The following UNC5A variants were observed in gnomAD, a reference collection of about 807,000 sequenced individuals.
UNC5A encodes the protein unc-5 netrin receptor A.
A neutral mutation model predicts 87.4 loss-of-function variants in UNC5A; 20 were observed. The ratio of observed to expected loss-of-function variants is 0.23; its 90% CI spans 0.16 to 0.33. The LOEUF (loss-of-function observed/expected upper bound fraction) is 0.33, where lower values mean the gene tolerates loss of function less well. Ranked by LOEUF, UNC5A falls within the 10% of genes least tolerant of loss-of-function variation. UNC5A has a pLI of 1.00. For missense variants in UNC5A, 844 were observed against 1,133.4 expected, an observed-to-expected ratio of 0.74 and a Z score of 3.67; for synonymous variants, 438 against 482.3, an observed-to-expected ratio of 0.91 and a Z score of 1.20.
Position 176,874,520 on chromosome 5 carries a change from T to C in UNC5A, c.1332T>C (p.Tyr444=). 6.3e-7 allele frequency: 1 copy of C among 1,596,284 alleles called. No individual in the cohort carries two copies. Among genetic ancestry groups the C allele is most frequent in the Non-Finnish European group, 8.6e-7 (1 of 1,168,462 alleles). The change falls in exon 8 of 15, where the codon TAT becomes TAC. Residue 444 remains tyrosine, a synonymous_variant. Coordinates refer to ENST00000329542, the MANE Select transcript of UNC5A (RefSeq NM_133369.3). This position sits in a 1 kb window ranked among gnomAD's most constrained non-coding sequence, Gnocchi z 7.6. ...CCCGAGGCACCAGCAACATGACCTA[T>C]GGGACCTTCAACTTCCTCGGGGGCC... is the stretch of plus-strand genomic sequence containing the variant. The part of the protein sequence containing the change: ...SLPRGTSNMT[Y]GTFNFLGGRL...
rs137863793 is a variant in UNC5A at position 176,857,868 on chromosome 5, G to A, written c.71-4756G>A. Among the ~76,000 whole-genome samples the A allele has an allele frequency of 8.9e-4, 135 of 152,324 alleles. 2 individuals are homozygous for A. The highest frequency in any genetic ancestry group is 1.5e-3 in the Non-Finnish European group (99 of 68,024). On this transcript the variant is annotated intron_variant, in intron 1 of 14. Coordinates refer to ENST00000329542, the MANE Select transcript of UNC5A (RefSeq NM_133369.3). ...CAAGCGGGCAGCCAGGCCAGGTCAC[G>A]TCCCTTGCCAGTGGGAAAGCTGTGA...
rs978094800 is a variant in UNC5A at position 176,874,220 on chromosome 5, G to A, written c.1076-44G>A. On this transcript the variant is annotated intron_variant, in intron 7 of 14. Coordinates refer to ENST00000329542, the MANE Select transcript of UNC5A (RefSeq NM_133369.3). The surrounding 1 kb of genome is among the most constrained non-coding windows in gnomAD (Gnocchi z 7.6). ...CCCACGCCAAGGGCTGCTGGGGCAG[G>A]GATGCCCTAGGTGCCATTGCCTGAG... The A allele has an allele frequency of 6.3e-7, 1 of 1,592,082 alleles. No individual in the cohort carries two copies. Among genetic ancestry groups the A allele is most frequent in the Admixed American group, 1.7e-5 (1 of 58,024 alleles).
intron 1 of UNC5A, among the ~76,000 whole-genome samples, chr5:176,831,885 CTTTTTTTTTTT>C (rs10580672): frequency 0.016 from 447 of 27,674 alleles, 5 homozygotes; most frequent in Admixed American, 0.021. Context: ...TTCTCTCTCT[CTTTTTTTTTTT>C]TTTTTTTTTT....
At position 176,865,383 on chromosome 5, in the gene UNC5A, C is replaced by A. The variant is rs1757949152; in HGVS notation, c.292+2538C>A. ...CCAGACCCTTGCCTGAATGAGCAGT[C>A]GCAGGCCCGGGCCGGCACACACACC... On this transcript the variant is annotated intron_variant, in intron 2 of 14. Transcript: ENST00000329542. This position sits in a 1 kb window ranked among gnomAD's most constrained non-coding sequence, Gnocchi z 5.3. 14 of 351,316 alleles carry A rather than the reference C, an allele frequency of 4.0e-5. No homozygotes were observed. The highest frequency in any genetic ancestry group is 3.0e-4 in the South Asian group (14 of 47,150). 21.8% of individuals were successfully genotyped at this position (351,316 alleles called of 1,614,324 possible).
intron 1 of UNC5A, among the ~76,000 whole-genome samples, chr5:176,855,950 A>G (rs1304342874): frequency 6.6e-6 from 1 of 152,066 alleles, no homozygotes; most frequent in Non-Finnish European, 1.5e-5. Context: ...GTGTTCCTCA[A>G]CCGCGCCGTG....
rs1199560924 is a variant in UNC5A at position 176,810,863 on chromosome 5, C to T, written c.70+43C>T. On this transcript the variant is annotated intron_variant, in intron 1 of 14. Coordinates refer to ENST00000329542, the MANE Select transcript of UNC5A (RefSeq NM_133369.3). The surrounding 1 kb of genome is among the most constrained non-coding windows in gnomAD (Gnocchi z 7.3). The stretch of plus-strand genomic sequence containing the variant: ...CGCTCTGGGGAGGCTTGCGGGGGAC[C>T]GTGCGCGCGAACGCTCGCTGCTCTG... 7 of 1,215,068 alleles carry T rather than the reference C, an allele frequency of 5.8e-6. No homozygotes were observed. The African/African-American group carries it at 9.4e-5, about 16-fold the overall frequency. The allele number at this position is 1,215,068 out of a possible 1,614,324, so 75.3% of individuals were successfully genotyped here.
chr5:176,870,664 G>A, intron 6 of UNC5A, 130 bp downstream of exon 6: 1 of 1,069,018 alleles, frequency 9.4e-7, no homozygotes, highest in Non-Finnish European at 1.3e-6. Flanking sequence ...AGGACCCACT[G>A]AGATCCCCCT....
At chr5:176,839,863 C>T in intron 1 of UNC5A, among the ~76,000 whole-genome samples, 1 of 134,896 alleles carries the variant, frequency 7.4e-6, no homozygotes, top group Non-Finnish European at 1.5e-5. Context: ...GTCGCCCAGG[C>T]TGGAATGCAG....
chr5:176,843,972 G>A (rs568333263), intron 1 of UNC5A, among the ~76,000 whole-genome samples: 1 of 152,390 alleles, frequency 6.6e-6, no homozygotes, highest in East Asian at 1.9e-4. Flanking sequence ...CAAGAAAGAT[G>A]CCACAAGAAA....
Position 176,838,900 on chromosome 5 carries a change from A to G in UNC5A, c.71-23724A>G, listed in dbSNP as rs73340083. Among the ~76,000 whole-genome samples the G allele has an allele frequency of 5.9e-3, 892 of 152,356 alleles. 7 individuals carry two copies. Among genetic ancestry groups the G allele is most frequent in the African/African-American group, 0.02 (834 of 41,580 alleles). Reference sequence around the variant, plus strand: ...TAAGCCAATCAGGGTCCATCCCTGAAGCTGGTAGGGGTCATTTCCACTCAA... The same window carrying G: ...TAAGCCAATCAGGGTCCATCCCTGAGGCTGGTAGGGGTCATTTCCACTCAA... On this transcript the variant is annotated intron_variant, in intron 1 of 14. Coordinates refer to ENST00000329542, the MANE Select transcript of UNC5A (RefSeq NM_133369.3). The surrounding 1 kb of genome is among the most constrained non-coding windows in gnomAD (Gnocchi z 4.2).
rs967870865 is a variant in UNC5A, at chr5:176,841,340, A to T, written c.71-21284A>T. On this transcript the variant is annotated intron_variant, in intron 1 of 14. Coordinates refer to ENST00000329542, the MANE Select transcript of UNC5A (RefSeq NM_133369.3). This position sits in a 1 kb window ranked among gnomAD's most constrained non-coding sequence, Gnocchi z 4.1. The stretch of plus-strand genomic sequence containing the variant: ...CTCAGACTCAGCTCCCAGCTTCCAG[A>T]TCAGAGCTGTGCCCACCACCCCAGA... Among the ~76,000 whole-genome samples the T allele has an allele frequency of 6.6e-6, 1 of 152,132 alleles. No individual in the cohort carries two copies. Among genetic ancestry groups the T allele is most frequent in the African/African-American group, 2.4e-5 (1 of 41,434 alleles).
At chr5:176,839,681 G>T (rs1757225789) in intron 1 of UNC5A, among the ~76,000 whole-genome samples, 2 of 152,222 alleles carry the variant, frequency 1.3e-5, no homozygotes, top group Admixed American at 1.3e-4. Flanking sequence ...CAGGGAGTGG[G>T]TGATCTGGCC....
chr5:176,858,362 G>T (rs1757716207), intron 1 of UNC5A, among the ~76,000 whole-genome samples: 2 of 152,218 alleles, frequency 1.3e-5, no homozygotes, highest in Non-Finnish European at 2.9e-5. Context: ...ACTGGACAAA[G>T]AGGAAGGAAG....
chr5:176,851,156 C>T (rs912987422), intron 1 of UNC5A, among the ~76,000 whole-genome samples: 1 of 152,262 alleles, frequency 6.6e-6, no homozygotes, highest in Non-Finnish European at 1.5e-5. Flanking sequence ...GAACCCATCG[C>T]TCTCGACTTA....
rs1758218945 is a variant in UNC5A at position 176,874,696 on chromosome 5, G to A, written c.1378+130G>A. 4.5e-6 allele frequency: 5 copies of A among 1,113,716 alleles called. No individual in the cohort carries two copies. Among genetic ancestry groups the A allele is most frequent in the Non-Finnish European group, 6.2e-6 (5 of 811,306 alleles). 69.0% of individuals were successfully genotyped at this position (1,113,716 alleles called of 1,614,324 possible). On this transcript the variant is annotated intron_variant, in intron 8 of 14. Transcript: ENST00000329542. This position sits in a 1 kb window ranked among gnomAD's most constrained non-coding sequence, Gnocchi z 7.6. The stretch of plus-strand genomic sequence containing the variant: ...GCAAGGAAAGGGGGTGGAGTTTTGG[G>A]GAGAACCCAGTCTTGGCTGGCACCG...
chr5:176,835,075 C>A (rs565391780), intron 1 of UNC5A, among the ~76,000 whole-genome samples: 2 of 152,372 alleles, frequency 1.3e-5, no homozygotes, highest in South Asian at 4.1e-4. Flanking sequence ...CTGTGGGCAA[C>A]CCCTGCACTC....
rs1045576201 is a variant in UNC5A, at chr5:176,879,943, G to T, written c.*57G>T. On this transcript the variant is annotated 3_prime_UTR_variant, in exon 15 of 15. Coordinates refer to ENST00000329542, the MANE Select transcript of UNC5A (RefSeq NM_133369.3). The stretch of plus-strand genomic sequence containing the variant: ...CAGCTTTGGCACCCACCAAGGACAG[G>T]CAGAAGCCGGACAGGGGCCCTTCCC... 3 of 1,554,030 alleles carry T rather than the reference G, an allele frequency of 1.9e-6. No homozygotes were observed. Among genetic ancestry groups the T allele is most frequent in the Non-Finnish European group, 1.7e-6 (2 of 1,151,206 alleles).
chr5:176,876,178 C>T lies in UNC5A; in HGVS notation c.1379-1014C>T, dbSNP rs116789913. Among the ~76,000 whole-genome samples the T allele has an allele frequency of 6.0e-3, 916 of 152,336 alleles. 2 individuals carry two copies. The highest frequency in any genetic ancestry group is 8.8e-3 in the Non-Finnish European group (601 of 68,044). ...GAGTTGATGAATGAGGATGTAAGTG[C>T]GTGTACCTTCCCCATGGAGAGCCTT... On this transcript the variant is annotated intron_variant, in intron 8 of 14. Transcript: ENST00000329542.
intron 1 of UNC5A, among the ~76,000 whole-genome samples, chr5:176,811,698 C>G (rs1391272867): frequency 6.6e-6 from 1 of 151,516 alleles, no homozygotes; most frequent in Admixed American, 6.5e-5. Context: ...CTGATCTCTG[C>G]CCCCCATGCA....
Sources: allele counts gnomAD v4.1 joint callset (sites outside exome capture counted in the v4.1 genomes callset), GRCh38; gene constraint gnomAD v4.1.1; non-coding constraint Gnocchi (gnomAD v3.1); transcripts MANE v1.5; gene names NCBI Gene and HGNC (gene_info 2026-07-23, HGNC 2026-07-21).